Variants in CAMKMT observed in about 807,000 individuals in gnomAD.
CAMKMT encodes CaM KMT.
In CAMKMT, 53 loss-of-function variants were observed where a neutral mutation model predicts 48.0. The observed-to-expected ratio is 1.10, with a 90% CI of 0.89 to 1.39. The LOEUF (loss-of-function observed/expected upper bound fraction) is 1.39. Among genes scored for constraint, CAMKMT ranks in the 40% most tolerant of loss-of-function variants. The pLI is 0.00. For synonymous variants in CAMKMT, 165 were observed against 152.3 expected (o/e 1.08, Z -0.61); for missense variants, 428 against 402.7 (o/e 1.06, Z -0.54).
chr2:44,518,695 A>G (rs1468602367), intron 3 of CAMKMT, among the ~76,000 whole-genome samples: 3 of 152,206 alleles, frequency 2.0e-5, no homozygotes, highest in East Asian at 3.8e-4. Flanking sequence ...AAGGTAAATG[A>G]TATTCTGTAT....
At chr2:44,622,597 G>C (rs1187312417) in intron 3 of CAMKMT, among the ~76,000 whole-genome samples, 1 of 152,200 alleles carries the variant, frequency 6.6e-6, no homozygotes, top group Non-Finnish European at 1.5e-5. Context: ...TGCAGTATTT[G>C]GTTGTCTGTT....
intron 6 of CAMKMT, among the ~76,000 whole-genome samples, chr2:44,714,726 T>C (rs1678075150): frequency 6.6e-6 from 1 of 152,130 alleles, no homozygotes; most frequent in South Asian, 2.1e-4. Flanking sequence ...ACATGGCACC[T>C]ATGGGACAGT....
At position 44,659,451 on chromosome 2, in the gene CAMKMT, G is replaced by A. The variant is rs144552558; in HGVS notation, c.377-44832G>A. 6.1e-3 allele frequency among the ~76,000 whole-genome samples: 928 copies of A among 151,306 alleles called. 11 individuals carry two copies. Among genetic ancestry groups the A allele is most frequent in the African/African-American group, 0.021 (877 of 41,234 alleles). ...CAAGAAAGAAAAAGTGGCGGAGGGCGGAGTTCAGTGGGTCATGCCTATAAT... is the reference window on the plus strand; with the variant it reads ...CAAGAAAGAAAAAGTGGCGGAGGGCAGAGTTCAGTGGGTCATGCCTATAAT... On this transcript the variant is annotated intron_variant, in intron 3 of 10. Transcript: ENST00000378494.
At chr2:44,655,141 A>G (rs1475598170) in intron 3 of CAMKMT, among the ~76,000 whole-genome samples, 2 of 152,212 alleles carry the variant, frequency 1.3e-5, no homozygotes, top group Admixed American at 6.5e-5. Flanking sequence ...TAGGTGTCAG[A>G]GATCACTTTC....
chr2:44,753,249 C>CAAAA (rs772390371), intron 8 of CAMKMT, among the ~76,000 whole-genome samples: 457 of 64,516 alleles, frequency 7.1e-3, no homozygotes, highest in African/African-American at 0.012. Context: ...CCTGTCCCTA[C>CAAAA]AAAAAAAAAA....
chr2:44,624,028 A>G (rs1672340493), intron 3 of CAMKMT, among the ~76,000 whole-genome samples: 2 of 152,120 alleles, frequency 1.3e-5, no homozygotes, highest in South Asian at 2.1e-4. Flanking sequence ...TTACTACCAC[A>G]GATTTGTTCA....
chr2:44,362,287 C>G (rs1022161916), intron 1 of CAMKMT, 142 bp downstream of exon 1: 6 of 696,968 alleles, frequency 8.6e-6, no homozygotes, highest in Non-Finnish European at 1.3e-5. Context: ...GCGAAGCTCC[C>G]CCTCGCTTCA....
intron 3 of CAMKMT, among the ~76,000 whole-genome samples, chr2:44,579,981 G>GT (rs955394190): frequency 3.9e-5 from 6 of 151,968 alleles, no homozygotes; most frequent in East Asian, 1.9e-4. Flanking sequence ...AGGTGTCCTA[G>GT]TTTTTTTTAG....
At chr2:44,362,169 A>T in intron 1 of CAMKMT, 24 bp downstream of exon 1, 2 of 1,449,256 alleles carry the variant, frequency 1.4e-6, no homozygotes, top group Non-Finnish European at 9.0e-7. Context: ...TGCTCGCCTC[A>T]CCTTTGCCTC....
intron 9 of CAMKMT, among the ~76,000 whole-genome samples, chr2:44,764,496 G>A (rs1269003814): frequency 6.6e-6 from 1 of 152,200 alleles, no homozygotes; most frequent in East Asian, 1.9e-4. Context: ...AAACTCAGTG[G>A]ATCAGCGAGG....
intron 4 of CAMKMT, chr2:44,705,655 A>G (rs1042008848): frequency 1.5e-5 from 5 of 341,594 alleles, no homozygotes; most frequent in African/African-American, 1.1e-4. Flanking sequence ...TAACCATATT[A>G]TGTCCCTGCA....
At chr2:44,759,135 T>TG (rs1156346773) in intron 9 of CAMKMT, among the ~76,000 whole-genome samples, 1 of 152,176 alleles carries the variant, frequency 6.6e-6, no homozygotes. Flanking sequence ...AGCAATTTTT[T>TG]GGGGGGGAGG....
chr2:44,378,077 A>C (rs1679874399), intron 2 of CAMKMT, among the ~76,000 whole-genome samples: 1 of 152,206 alleles, frequency 6.6e-6, no homozygotes. Flanking sequence ...TTTTATTGTT[A>C]GTAGTGATAT....
chr2:44,386,412 G>C (rs1440703344), intron 2 of CAMKMT, among the ~76,000 whole-genome samples: 1 of 151,986 alleles, frequency 6.6e-6, no homozygotes, highest in East Asian at 1.9e-4. Flanking sequence ...TCTTTTCTTG[G>C]TTAATCTTGC....
chr2:44,607,845 A>G (rs1054786270), intron 3 of CAMKMT, among the ~76,000 whole-genome samples: 2 of 152,006 alleles, frequency 1.3e-5, no homozygotes, highest in South Asian at 2.1e-4. Context: ...ACTTTTTATT[A>G]TGAAATGTAA....
At chr2:44,410,566 A>T (rs906690560) in intron 3 of CAMKMT, among the ~76,000 whole-genome samples, 5 of 152,034 alleles carry the variant, frequency 3.3e-5, no homozygotes, top group Non-Finnish European at 7.4e-5. Context: ...GGTACAATCA[A>T]CCCTGAAATT....
intron 7 of CAMKMT, among the ~76,000 whole-genome samples, chr2:44,729,052 G>A (rs572323686): frequency 1.1e-4 from 17 of 151,358 alleles, no homozygotes; most frequent in African/African-American, 2.2e-4. Context: ...CAGTAGTACC[G>A]GAGAGAGAAA....
intron 10 of CAMKMT, among the ~76,000 whole-genome samples, chr2:44,771,667 GTGGCAT>G (rs1681118082): frequency 6.6e-6 from 1 of 152,202 alleles, no homozygotes; most frequent in Non-Finnish European, 1.5e-5. Flanking sequence ...CCTGAATAGT[GTGGCAT>G]TGGTCAGAGG....
chr2:44,690,538 G>A (rs560010984), intron 3 of CAMKMT, among the ~76,000 whole-genome samples: 1 of 152,274 alleles, frequency 6.6e-6, no homozygotes, highest in South Asian at 2.1e-4. Context: ...TGTTTATGCT[G>A]TATTTCACTG....
Sources: allele counts gnomAD v4.1 joint callset (sites outside exome capture counted in the v4.1 genomes callset), GRCh38; gene constraint gnomAD v4.1.1; transcripts MANE v1.5; gene names NCBI Gene and HGNC (gene_info 2026-07-23, HGNC 2026-07-21).